The following SORT1 variants were observed in gnomAD, a reference collection of about 807,000 sequenced individuals.
SORT1 encodes sortilin 1, also known as sortilin.
Under a neutral mutation model 101.7 loss-of-function variants are expected in SORT1, and 39 were observed. That is an observed-to-expected ratio of 0.38 (90% CI 0.30 to 0.50). SORT1 has a LOEUF of 0.50. Among genes scored for constraint, SORT1 ranks in the 20% least tolerant of loss-of-function variants. The probability of loss-of-function intolerance (pLI) is 0.90; values close to 1 mark genes in which losing one functional copy is unlikely to be tolerated. For synonymous variants in SORT1, 396 were observed against 393.7 expected, an observed-to-expected ratio of 1.01 and a Z score of -0.07; for missense variants, 878 against 1,040.4, an observed-to-expected ratio of 0.84 and a Z score of 2.15.
At chr1:109,333,148 G>A (rs1648572456) in intron 11 of SORT1, among the ~76,000 whole-genome samples, 2 of 152,102 alleles carry the variant, frequency 1.3e-5, no homozygotes, top group South Asian at 2.1e-4. Flanking sequence ...GGATGGTCTC[G>A]ATCTCCTGAC....
intron 6 of SORT1, among the ~76,000 whole-genome samples, chr1:109,349,723 G>A (rs1269148029): frequency 6.6e-6 from 1 of 152,234 alleles, no homozygotes; most frequent in Non-Finnish European, 1.5e-5. Context: ...GGTAAGCCAT[G>A]CCTGTGCCAC....
At chr1:109,351,359 T>C (rs758287690) in intron 5 of SORT1, among the ~76,000 whole-genome samples, 2 of 152,174 alleles carry the variant, frequency 1.3e-5, no homozygotes, top group Non-Finnish European at 2.9e-5. Context: ...TTATAAAATA[T>C]GGTCTAGTAT....
chr1:109,325,187 C>T (rs988454425), intron 13 of SORT1, 98 bp from the exon 14 acceptor site: 1 of 641,628 alleles, frequency 1.6e-6, no homozygotes, highest in Non-Finnish European at 2.6e-6. Flanking sequence ...CAGACAAAAC[C>T]CCTTACATTT....
chr1:109,334,905 G>T (rs1648708426), intron 11 of SORT1, among the ~76,000 whole-genome samples: 1 of 151,996 alleles, frequency 6.6e-6, no homozygotes. Context: ...GGTTCAAAAT[G>T]GCTAAAATGA....
At position 109,354,359 on chromosome 1, in the gene SORT1, G is replaced by A; in HGVS notation, c.708+8C>T. On this transcript the variant is annotated splice_region_variant and intron_variant, in intron 5 of 19. Coordinates refer to ENST00000256637, the MANE Select transcript of SORT1 (RefSeq NM_002959.7). ...AAAAGGCAAACCATGTTCCTCAACT[G>A]GACTTACTTCAGTGCTGAGAGCTAA... The A allele has an allele frequency of 6.2e-7, 1 of 1,608,390 alleles. No individual in the cohort carries two copies. Among genetic ancestry groups the A allele is most frequent in the Non-Finnish European group, 8.5e-7 (1 of 1,175,740 alleles).
chr1:109,375,991 TTA>T, intron 1 of SORT1, among the ~76,000 whole-genome samples: 1 of 152,124 alleles, frequency 6.6e-6, no homozygotes, highest in South Asian at 2.1e-4. Context: ...AAGGGAGTGT[TTA>T]TACACTGTTG....
chr1:109,354,709 T>C (rs536995849), intron 4 of SORT1, among the ~76,000 whole-genome samples, 178 bp from the exon 5 acceptor site: 4 of 152,148 alleles, frequency 2.6e-5, no homozygotes, highest in East Asian at 1.9e-4. Context: ...TATAAAAAAA[T>C]AACACCCTGA....
chr1:109,328,791 G>C (rs1218812765), intron 11 of SORT1, among the ~76,000 whole-genome samples: 1 of 152,176 alleles, frequency 6.6e-6, no homozygotes, highest in African/African-American at 2.4e-5. Context: ...ATGTGATGGT[G>C]GTTCGAAATA....
chr1:109,352,091 A>G (rs533581571), intron 5 of SORT1, among the ~76,000 whole-genome samples: 159 of 152,130 alleles, frequency 1.0e-3, no homozygotes, highest in African/African-American at 3.6e-3. Context: ...ATTAACTAGT[A>G]TAAGGATTAA....
chr1:109,388,631 A>T (rs1337683537), intron 1 of SORT1, among the ~76,000 whole-genome samples: 1 of 152,224 alleles, frequency 6.6e-6, no homozygotes, highest in East Asian at 1.9e-4. Flanking sequence ...AATTAAGCAC[A>T]TGTACAAATA....
intron 11 of SORT1, among the ~76,000 whole-genome samples, chr1:109,333,196 G>A (rs554112727): frequency 7.9e-5 from 12 of 152,260 alleles, no homozygotes; most frequent in African/African-American, 2.6e-4. Flanking sequence ...AAAGTGCTGG[G>A]ATTACAGGCG....
At chr1:109,378,851 C>T (rs1319039230) in intron 1 of SORT1, among the ~76,000 whole-genome samples, 1 of 148,638 alleles carries the variant, frequency 6.7e-6, no homozygotes, top group African/African-American at 2.5e-5. Context: ...TAAACAATAA[C>T]TGGAGGCCAG....
intron 2 of SORT1, among the ~76,000 whole-genome samples, chr1:109,369,309 C>T (rs1354228558): frequency 6.6e-6 from 1 of 152,020 alleles, no homozygotes; most frequent in Non-Finnish European, 1.5e-5. Flanking sequence ...GCAACAAGAG[C>T]GAAACTCCGT....
At chr1:109,347,631 A>T in intron 6 of SORT1, 99 bp from the exon 7 acceptor site, 1 of 799,780 alleles carries the variant, frequency 1.3e-6, no homozygotes, top group East Asian at 2.6e-5. Flanking sequence ...AACAAGCTTC[A>T]TTCACAGGCA....
intron 1 of SORT1, chr1:109,392,940 G>C (rs1652996479): frequency 1.2e-5 from 12 of 985,194 alleles, no homozygotes; most frequent in Non-Finnish European, 1.4e-5. Context: ...TAGACGGCTG[G>C]GGGTGCTAGG....
chr1:109,341,269 A>G (rs1468746738), intron 9 of SORT1, among the ~76,000 whole-genome samples: 2 of 152,240 alleles, frequency 1.3e-5, no homozygotes, highest in Non-Finnish European at 2.9e-5. Flanking sequence ...GATTTCCAAT[A>G]TGTCACAAAC....
chr1:109,340,460 A>C (rs1649135433), intron 10 of SORT1, among the ~76,000 whole-genome samples: 2 of 152,276 alleles, frequency 1.3e-5, no homozygotes, highest in African/African-American at 4.8e-5. Flanking sequence ...TGGGATGATG[A>C]AAAAGCTCTG....
intron 6 of SORT1, among the ~76,000 whole-genome samples, chr1:109,350,711 T>C (rs1557802714): frequency 6.6e-6 from 1 of 152,200 alleles, no homozygotes; most frequent in Admixed American, 6.5e-5. Context: ...TTTTATACTT[T>C]ATGTTCTAAC....
At chr1:109,334,383 T>C (rs1371770833) in intron 11 of SORT1, among the ~76,000 whole-genome samples, 1 of 152,184 alleles carries the variant, frequency 6.6e-6, no homozygotes, top group Non-Finnish European at 1.5e-5. Context: ...CTGTCATCTG[T>C]TGAAAACATG....
Sources: gnomAD v4.1 joint callset for allele counts (sites outside exome capture counted in the v4.1 genomes callset) on GRCh38, gnomAD v4.1.1 for gene constraint, MANE v1.5 for transcripts, NCBI Gene and HGNC (gene_info 2026-07-23, HGNC 2026-07-21) for gene names.